Variants in ARSK observed in about 807,000 individuals in gnomAD.
ARSK encodes the protein arylsulfatase family member K.
In ARSK, 37 loss-of-function variants were observed where a neutral mutation model predicts 53.2. The ratio of observed to expected loss-of-function variants is 0.70; its 90% CI spans 0.54 to 0.92. The LOEUF is 0.92. Ranked by LOEUF, ARSK falls within the 40% of genes least tolerant of loss-of-function variation. ARSK has a pLI of 0.00. For synonymous variants in ARSK, 208 were observed against 223.2 expected (o/e 0.93, Z 0.61); for missense variants, 613 against 643.0 (o/e 0.95, Z 0.51).
In ARSK at chr5:95,560,681, A is replaced by C. The variant is rs563290806; in HGVS notation, c.126+5277A>C. On this transcript the variant is annotated intron_variant, in intron 1 of 7. Transcript: ENST00000380009. ...GCCTTGCACCATACACAAACACACA[A>C]AAAAAAACTTTAAGTAAATTGATTG... 4.9e-3 allele frequency among the ~76,000 whole-genome samples: 744 copies of C among 152,220 alleles called. 6 individuals are homozygous for C. The highest frequency in any genetic ancestry group is 0.011 in the South Asian group (52 of 4,822).
intron 1 of ARSK, among the ~76,000 whole-genome samples, chr5:95,560,096 G>T (rs1748602180): frequency 6.6e-6 from 1 of 152,068 alleles, no homozygotes; most frequent in African/African-American, 2.4e-5. Context: ...CATCAGAATG[G>T]ATGAAATACT....
chr5:95,558,961 C>T (rs1442118403), intron 1 of ARSK, among the ~76,000 whole-genome samples: 3 of 151,900 alleles, frequency 2.0e-5, no homozygotes, highest in Admixed American at 2.0e-4. Context: ...GCCAACATGG[C>T]GAAACCCTGT....
intron 1 of ARSK, among the ~76,000 whole-genome samples, chr5:95,562,090 C>G (rs1748645646): frequency 6.6e-6 from 1 of 151,992 alleles, no homozygotes; most frequent in South Asian, 2.1e-4. Context: ...TGGTGGGCAC[C>G]TGCCCAGCTA....
chr5:95,555,389 C>A lies in ARSK; in HGVS notation c.111C>A (p.Val37=), dbSNP rs751819599. 12 of 1,607,038 alleles carry A rather than the reference C, an allele frequency of 7.5e-6. No individual in the cohort carries two copies. The highest frequency in any genetic ancestry group is 1.7e-6 in the Non-Finnish European group (2 of 1,176,658). The change falls in exon 1 of 8, where the codon GTC becomes GTA. Residue 37 remains valine, a synonymous_variant. Transcript: ENST00000380009. The surrounding 1 kb of genome is among the most constrained non-coding windows in gnomAD (Gnocchi z 4.0). ...RAAKAPNVVL[V]VSDSFDGRLT... is the part of the protein sequence containing the mutation. ...CCAAAGCGCCCAATGTGGTGCTGGT[C>A]GTGAGCGACTCCTTCGTAAGTACCG... is the stretch of plus-strand genomic sequence containing the variant.
chr5:95,597,901 A>T (rs1487098525), intron 6 of ARSK, among the ~76,000 whole-genome samples: 1 of 142,640 alleles, frequency 7.0e-6, no homozygotes, highest in Non-Finnish European at 1.5e-5. Flanking sequence ...CTCAAAAAAA[A>T]AAAGTGGGGG....
rs1749469413 is a variant in ARSK, at chr5:95,604,619, T to C, written c.*1093T>C. On this transcript the variant is annotated 3_prime_UTR_variant, in exon 8 of 8. Coordinates refer to ENST00000380009, the MANE Select transcript of ARSK (RefSeq NM_198150.3). ...CTATATTTAGCAAAATTACACTAGA[T>C]ACTACAAATTACCTCTAAAGAAGGT... 1.3e-5 allele frequency: 2 copies of C among 152,170 alleles called. No individual in the cohort carries two copies. Among genetic ancestry groups the C allele is most frequent in the South Asian group, 4.1e-4 (2 of 4,828 alleles). 9.4% of individuals were successfully genotyped at this position (152,170 alleles called of 1,614,324 possible).
At chr5:95,600,516 A>G (rs1749383613) in intron 6 of ARSK, 2 of 425,878 alleles carry the variant, frequency 4.7e-6, no homozygotes, top group South Asian at 3.8e-5. Context: ...GAAGGCTCCT[A>G]TCTGCCAGGC....
chr5:95,563,402 G>A (rs1748672988), intron 1 of ARSK, among the ~76,000 whole-genome samples: 1 of 152,094 alleles, frequency 6.6e-6, no homozygotes, highest in African/African-American at 2.4e-5. Context: ...TTCATTCACT[G>A]AATATTTGCA....
At chr5:95,560,802 CTTTT>C (rs70978188) in intron 1 of ARSK, among the ~76,000 whole-genome samples, 5 of 108,274 alleles carry the variant, frequency 4.6e-5, no homozygotes, top group African/African-American at 6.8e-5. Flanking sequence ...GGCAAAAGAT[CTTTT>C]TTTTTTTTTT....
intron 4 of ARSK, among the ~76,000 whole-genome samples, chr5:95,584,129 GTTCATCTTTGTTGAC>G (rs762583205): frequency 2.0e-5 from 3 of 151,996 alleles, no homozygotes; most frequent in Non-Finnish European, 2.9e-5. Flanking sequence ...TTTACTGCAT[GTTCATCTTTGTTGAC>G]TTCTCTTCAT....
chr5:95,575,205 T>TG (rs1337445319), intron 3 of ARSK, among the ~76,000 whole-genome samples: 1 of 152,162 alleles, frequency 6.6e-6, no homozygotes, highest in Non-Finnish European at 1.5e-5. Context: ...TGGTCTTACG[T>TG]GTCTGTTTTT....
chr5:95,575,160 AT>A (rs1748903445), intron 3 of ARSK, among the ~76,000 whole-genome samples: 1 of 152,056 alleles, frequency 6.6e-6, no homozygotes, highest in Non-Finnish European at 1.5e-5. Flanking sequence ...CTGTAGGTGT[AT>A]GGAGTTGTTT....
chr5:95,567,811 G>T, intron 2 of ARSK, 79 bp from the exon 3 acceptor site: 2 of 1,397,230 alleles, frequency 1.4e-6, no homozygotes, highest in Non-Finnish European at 1.9e-6. Flanking sequence ...CTAGTGGACT[G>T]CTCTCTCAGA....
chr5:95,577,274 ATTACT>A (rs1748940656), intron 3 of ARSK, among the ~76,000 whole-genome samples: 1 of 152,282 alleles, frequency 6.6e-6, no homozygotes, highest in African/African-American at 2.4e-5. Flanking sequence ...TGATATGTTA[ATTACT>A]TTAAAAGCAT....
chr5:95,555,340 C>T lies in ARSK; in HGVS notation c.62C>T (p.Ala21Val), dbSNP rs1748469753. ...GCGCTGGCGGTACTGGCCCCCGGAGCAGGGGAGCAGAGGCGGAGAGCAGCC... is the reference window on the plus strand; with the variant it reads ...GCGCTGGCGGTACTGGCCCCCGGAGTAGGGGAGCAGAGGCGGAGAGCAGCC... ...ALALAVLAPG[A>V]GEQRRRAAKA... Residue 21 changes from alanine (A) to valine (V), a missense_variant, in exon 1 of 8, where the codon GCA (alanine) becomes GTA (valine). Ala to Val is a moderately conservative substitution (Grantham distance 64). Coordinates refer to ENST00000380009, the MANE Select transcript of ARSK (RefSeq NM_198150.3). This position sits in a 1 kb window ranked among gnomAD's most constrained non-coding sequence, Gnocchi z 4.0. The T allele has an allele frequency of 6.2e-7, 1 of 1,609,792 alleles. No homozygotes were observed. Among genetic ancestry groups the T allele is most frequent in the Non-Finnish European group, 8.5e-7 (1 of 1,179,414 alleles).
rs1749447343 is a variant in ARSK, at chr5:95,603,512, C to A, written c.1597C>A (p.Pro533Thr). Residue 533 changes from proline to threonine, a missense_variant, in exon 8 of 8, where the codon CCA becomes ACA. By Grantham distance (38) the Pro-to-Thr change is conservative. Coordinates refer to ENST00000380009, the MANE Select transcript of ARSK (RefSeq NM_198150.3). ...TCAGTGGCTTAAAACCCATATGAAT[C>A]CAAGAGCAGTTTGAACAAAAAGTTT... ...IDQWLKTHMNPRAV is the reference protein window; with the variant it reads ...IDQWLKTHMNTRAV The A allele has an allele frequency of 6.3e-7, 1 of 1,593,500 alleles. No homozygotes were observed.
chr5:95,556,594 A>G, intron 1 of ARSK: 1 of 209,162 alleles, frequency 4.8e-6, no homozygotes, highest in Non-Finnish European at 9.4e-6. Context: ...CATTCCTAAA[A>G]GGGAATCCGA....
intron 1 of ARSK, 45 bp from the exon 2 acceptor site, chr5:95,565,953 T>C: frequency 6.6e-7 from 1 of 1,519,684 alleles, no homozygotes; most frequent in South Asian, 1.3e-5. Flanking sequence ...ATAATTTTCT[T>C]CTTTGGTAAT....
chr5:95,584,452 AC>A (rs1749074949), intron 4 of ARSK, among the ~76,000 whole-genome samples: 1 of 152,212 alleles, frequency 6.6e-6, no homozygotes, highest in Non-Finnish European at 1.5e-5. Flanking sequence ...TACTGTGATA[AC>A]TGAAATTCAT....
Sources: allele counts gnomAD v4.1 joint callset (sites outside exome capture counted in the v4.1 genomes callset), GRCh38; gene constraint gnomAD v4.1.1; non-coding constraint Gnocchi (gnomAD v3.1); transcripts MANE v1.5; gene names NCBI Gene and HGNC (gene_info 2026-07-23, HGNC 2026-07-21).